Variants in RNF130 observed in about 807,000 individuals in gnomAD.
RNF130 encodes the protein E3 ubiquitin-protein ligase RNF130.
A neutral mutation model predicts 44.6 loss-of-function variants in RNF130; 21 were observed. The observed-to-expected ratio is 0.47, with a 90% CI of 0.33 to 0.68. The LOEUF (loss-of-function observed/expected upper bound fraction) is 0.68, where lower values mean the gene tolerates loss of function less well. Among genes scored for constraint, RNF130 ranks in the 30% least tolerant of loss-of-function variants. RNF130 has a pLI of 0.02. For missense variants in RNF130, 479 were observed against 560.6 expected (o/e 0.85, Z 1.47); for synonymous variants, 214 against 210.4 (o/e 1.02, Z -0.15).
chr5:179,930,075 G>C (rs1191213331), intron 7 of RNF130, among the ~76,000 whole-genome samples: 1 of 151,210 alleles, frequency 6.6e-6, no homozygotes, highest in Non-Finnish European at 1.5e-5. Flanking sequence ...TTTATTTTTT[G>C]AGATGGAGTC....
intron 1 of RNF130, among the ~76,000 whole-genome samples, chr5:180,057,490 T>C (rs1311645742): frequency 2.0e-5 from 3 of 151,992 alleles, no homozygotes; most frequent in South Asian, 2.1e-4. Flanking sequence ...GGAGGCTGCA[T>C]TGAGCCAAGA....
At chr5:180,027,585 C>T (rs1376496067) in intron 2 of RNF130, among the ~76,000 whole-genome samples, 18 of 152,152 alleles carry the variant, frequency 1.2e-4, no homozygotes, top group Non-Finnish European at 2.9e-5. Flanking sequence ...TAGTGCAGCT[C>T]GCTGGACTGA....
rs201118376 is a variant in RNF130, at chr5:180,071,592, C to A, written c.111G>T (p.Ala37=). Residue 37 remains alanine (A), a synonymous_variant, in exon 1 of 9, where the codon GCG becomes GCT. Transcript: ENST00000521389. ...GCTCCTGCACCGTCACGTTGATGAGCGCCGTGTAGTACTCCTGGCTCGCGT... is the reference window on the plus strand; with the variant it reads ...GCTCCTGCACCGTCACGTTGATGAGAGCCGTGTAGTACTCCTGGCTCGCGT... The part of the protein sequence containing the change: ...ADNASQEYYT[A]LINVTVQEPG... 3 of 1,502,928 alleles carry A rather than the reference C, an allele frequency of 2.0e-6. No homozygotes were observed. The highest frequency in any genetic ancestry group is 2.7e-5 in the East Asian group (1 of 36,808). 93.1% of individuals were successfully genotyped at this position (1,502,928 alleles called of 1,614,324 possible).
At chr5:180,035,962 G>A (rs1157122324) in intron 2 of RNF130, among the ~76,000 whole-genome samples, 8 of 151,880 alleles carry the variant, frequency 5.3e-5, no homozygotes, top group Admixed American at 5.3e-4. Flanking sequence ...TTAGTCTTTG[G>A]ACATATTTAT....
chr5:180,039,819 CT>C (rs1450467382), intron 2 of RNF130, among the ~76,000 whole-genome samples: 3 of 152,330 alleles, frequency 2.0e-5, no homozygotes, highest in African/African-American at 7.2e-5. Flanking sequence ...GAGCCCTCTT[CT>C]GTTGGCCCTT....
chr5:180,071,344 T>G, intron 1 of RNF130, 112 bp downstream of exon 1: 1 of 1,081,008 alleles, frequency 9.3e-7, no homozygotes, highest in African/African-American at 1.6e-5. Context: ...GCTGGGGCTG[T>G]CGGCCGGGCA....
chr5:179,963,496 C>G lies in RNF130; in HGVS notation c.1219G>C (p.Ala407Pro), dbSNP rs752830396. Residue 407 changes from alanine to proline, a missense_variant, in exon 8 of 9, where the codon GCC (alanine) becomes CCC (proline). By Grantham distance (27) the Ala-to-Pro change is conservative (BLOSUM62 -1). This residue lies in a region of RNF130 where 161 missense variants were observed against 158.6 expected (regional missense o/e 1.02). Coordinates refer to ENST00000521389, the MANE Select transcript of RNF130 (RefSeq NM_018434.6). ...TCATTAGCATTCAAGCTAGCTGTGG[C>G]TCTGATGATCATGTAGCAGAGTGTG... ...ALTLCYMIIRATASLNANEVE... is the reference protein window; with the variant it reads ...ALTLCYMIIRPTASLNANEVE... 27 of 1,613,842 alleles carry G rather than the reference C, an allele frequency of 1.7e-5. No homozygotes were observed. Among genetic ancestry groups the G allele is most frequent in the Non-Finnish European group, 1.9e-5 (23 of 1,179,876 alleles).
chr5:180,013,669 T>C (rs1454999970), intron 2 of RNF130, among the ~76,000 whole-genome samples: 1 of 152,228 alleles, frequency 6.6e-6, no homozygotes, highest in Non-Finnish European at 1.5e-5. Context: ...ATCAACATCA[T>C]GGTAGATTTA....
chr5:179,929,357 C>T (rs1435704508), intron 7 of RNF130, among the ~76,000 whole-genome samples: 4 of 152,148 alleles, frequency 2.6e-5, no homozygotes, highest in African/African-American at 9.7e-5. Context: ...ATTACTGTGG[C>T]TTTGTCAAAA....
At chr5:179,965,943 C>T (rs961810093) in intron 7 of RNF130, among the ~76,000 whole-genome samples, 6 of 152,160 alleles carry the variant, frequency 3.9e-5, no homozygotes, top group Non-Finnish European at 8.8e-5. Context: ...AAGGGTCCCA[C>T]GAGCCTCAGG....
intron 1 of RNF130, among the ~76,000 whole-genome samples, chr5:180,062,752 A>G (rs994936366): frequency 3.3e-5 from 5 of 152,222 alleles, no homozygotes; most frequent in South Asian, 2.1e-4. Context: ...CATTTGTTCA[A>G]TCTTAACCTG....
At chr5:180,032,200 T>C (rs1582205162) in intron 2 of RNF130, among the ~76,000 whole-genome samples, 1 of 152,350 alleles carries the variant, frequency 6.6e-6, no homozygotes, top group East Asian at 1.9e-4. Context: ...AGGTTTTTAA[T>C]TTTGATAAAA....
chr5:179,921,798 G>A (rs1388400777), intron 7 of RNF130, among the ~76,000 whole-genome samples: 1 of 151,560 alleles, frequency 6.6e-6, no homozygotes, highest in African/African-American at 2.4e-5. Context: ...CGAGGTGGGT[G>A]GATCACGAGA....
At chr5:179,999,415 T>C (rs1367277985) in intron 3 of RNF130, among the ~76,000 whole-genome samples, 1 of 152,244 alleles carries the variant, frequency 6.6e-6, no homozygotes, top group East Asian at 1.9e-4. Flanking sequence ...TTAGCCTATA[T>C]GTGCCTTTAG....
intron 7 of RNF130, among the ~76,000 whole-genome samples, chr5:179,927,837 G>A (rs1205015139): frequency 2.0e-5 from 3 of 151,950 alleles, no homozygotes; most frequent in East Asian, 1.9e-4. Flanking sequence ...TGATCCACCC[G>A]CCTTGGCTTC....
chr5:179,969,215 G>C (rs1033722326), intron 6 of RNF130, among the ~76,000 whole-genome samples: 1 of 151,974 alleles, frequency 6.6e-6, no homozygotes, highest in Non-Finnish European at 1.5e-5. Flanking sequence ...AAGGGCTAAC[G>C]AAGGTCCTTG....
chr5:179,952,852 G>T (rs1433762455), downstream of RNF130, among the ~76,000 whole-genome samples: 6 of 145,526 alleles, frequency 4.1e-5, no homozygotes, highest in African/African-American at 1.7e-4. Flanking sequence ...ACTTGATAAA[G>T]GTATCTAGTC....
At chr5:180,067,234 G>T (rs1254862061) in intron 1 of RNF130, among the ~76,000 whole-genome samples, 1 of 152,088 alleles carries the variant, frequency 6.6e-6, no homozygotes, top group African/African-American at 2.4e-5. Context: ...CTCCATGAAG[G>T]TGATTTTTTT....
At chr5:180,005,683 T>C (rs1449015330) in intron 3 of RNF130, among the ~76,000 whole-genome samples, 1 of 152,210 alleles carries the variant, frequency 6.6e-6, no homozygotes, top group African/African-American at 2.4e-5. Flanking sequence ...TCCTTTAAAA[T>C]TCAGCTCCAA....
Sources: gnomAD v4.1 joint callset for allele counts (sites outside exome capture counted in the v4.1 genomes callset) on GRCh38, gnomAD v4.1.1 for gene constraint, gnomAD v4.1.1 regional missense constraint, MANE v1.5 for transcripts, NCBI Gene and HGNC (gene_info 2026-07-23, HGNC 2026-07-21) for gene names.